The following SNRNP200 variants were observed in gnomAD, a reference collection of about 807,000 sequenced individuals.
The protein encoded by SNRNP200 is small nuclear ribonucleoprotein U5 subunit 200.
Under a neutral mutation model 255.2 loss-of-function variants are expected in SNRNP200, and 66 were observed. The ratio of observed to expected loss-of-function variants is 0.26; its 90% confidence interval spans 0.21 to 0.32. The LOEUF (loss-of-function observed/expected upper bound fraction) is 0.32, where lower values mean the gene tolerates loss of function less well. SNRNP200 is among the 10% of genes least tolerant of loss of function. The pLI, the probability that SNRNP200 is intolerant of heterozygous loss-of-function variation, is 1.00. For synonymous variants in SNRNP200, 939 were observed against 1,027.8 expected, an observed-to-expected ratio of 0.91 and a Z score of 1.65; for missense variants, 1,585 against 2,749.8, an observed-to-expected ratio of 0.58 and a Z score of 9.47.
At chr2:96,285,971 C>T (rs987335876) in intron 29 of SNRNP200, among the ~76,000 whole-genome samples, 2 of 152,142 alleles carry the variant, frequency 1.3e-5, no homozygotes, top group African/African-American at 4.8e-5. Context: ...GTGAATGTCC[C>T]CGTTATTTAT....
rs1684769577 is a variant in SNRNP200, at chr2:96,282,027, A to T, written c.4916-105T>A. ...GGCTTACCCTGTGCTATGTTTCAGAACTCACAGCAAGGCTGGCTAGGAACA... is the reference window on the plus strand; with the variant it reads ...GGCTTACCCTGTGCTATGTTTCAGATCTCACAGCAAGGCTGGCTAGGAACA... On this transcript the variant is annotated intron_variant, in intron 34 of 44. Transcript: ENST00000323853. The T allele has an allele frequency of 7.3e-6, 6 of 818,840 alleles. No homozygotes were observed. The South Asian group carries it at 8.5e-5, about 12-fold the overall frequency. The allele number at this position is 818,840 out of a possible 1,614,324, so 50.7% of individuals were successfully genotyped here.
At chr2:96,293,844 G>C (rs1247276909) in intron 14 of SNRNP200, among the ~76,000 whole-genome samples, 1 of 152,172 alleles carries the variant, frequency 6.6e-6, no homozygotes, top group East Asian at 1.9e-4. Flanking sequence ...CTTCACCTCT[G>C]GCAGTTATAG....
intron 30 of SNRNP200, 62 bp downstream of exon 30, chr2:96,285,118 C>T (rs2104342156): frequency 6.3e-7 from 1 of 1,582,358 alleles, no homozygotes; most frequent in South Asian, 1.1e-5. Flanking sequence ...AGAAAGCCTT[C>T]ATACGGAATC....
Position 96,286,208 on chromosome 2 carries a change from G to C in SNRNP200, c.4003+103C>G. 8.5e-7 allele frequency: 1 copy of C among 1,180,628 alleles called. No homozygotes were observed. Among genetic ancestry groups the C allele is most frequent in the Non-Finnish European group, 1.3e-6 (1 of 787,346 alleles). 73.1% of individuals were successfully genotyped at this position (1,180,628 alleles called of 1,614,324 possible). On this transcript the variant is annotated intron_variant, in intron 29 of 44. Coordinates refer to ENST00000323853, the MANE Select transcript of SNRNP200 (RefSeq NM_014014.5). The surrounding 1 kb of genome is among the most constrained non-coding windows in gnomAD (Gnocchi z 4.8). ...CAGCGGTCACACTGAGGAGCTCCCA[G>C]ACCTCCCAAGTGCCTGAGCACCCCC...
Position 96,284,009 on chromosome 2 carries a change from A to G in SNRNP200, c.4393-5T>C. The G allele has an allele frequency of 6.3e-7, 1 of 1,583,112 alleles. No homozygotes were observed. The highest frequency in any genetic ancestry group is 8.6e-7 in the Non-Finnish European group (1 of 1,165,324). ...GCAGATCACTTCTAAGACAGGCTGG[A>G]AAGAGGGAGGGAGGGAGGGTCACTG... On this transcript the variant is annotated splice_region_variant and splice_polypyrimidine_tract_variant and intron_variant, in intron 31 of 44. Transcript: ENST00000323853.
At chr2:96,276,649 T>C (rs1684668660) in intron 43 of SNRNP200, 1 of 499,616 alleles carries the variant, frequency 2.0e-6, no homozygotes, top group Non-Finnish European at 3.8e-6. Flanking sequence ...CTCGAACTCC[T>C]GACCTCGTGA....
rs751867610 is a variant in SNRNP200, at chr2:96,281,843, A to G, written c.4995T>C (p.Asp1665=). Residue 1665 remains aspartate (D), a synonymous_variant, in exon 35 of 45, where the codon GAT becomes GAC. Transcript: ENST00000323853. ...GGATCTTGCCATTGTAGTACTGGGTATCCATGATGATTACCAGGTGGGCAG... is the reference window on the plus strand; with the variant it reads ...GGATCTTGCCATTGTAGTACTGGGTGTCCATGATGATTACCAGGTGGGCAG... ...NVAAHLVIIM[D]TQYYNGKIHA... 1 of 1,614,078 alleles carries G rather than the reference A, an allele frequency of 6.2e-7. No homozygotes were observed. The highest frequency in any genetic ancestry group is 1.7e-5 in the Admixed American group (1 of 60,028).
At position 96,291,349 on chromosome 2, in the gene SNRNP200, A is replaced by G; in HGVS notation, c.2421+43T>C. The G allele has an allele frequency of 9.3e-7, 1 of 1,080,750 alleles. No homozygotes were observed. The highest frequency in any genetic ancestry group is 2.4e-5 in the East Asian group (1 of 42,450). 66.9% of individuals were successfully genotyped at this position (1,080,750 alleles called of 1,614,324 possible). A position where few individuals can be genotyped will look rare whatever the true frequency, so the allele number is the denominator to read the frequency against. On this transcript the variant is annotated intron_variant, in intron 18 of 44. Transcript: ENST00000323853. The surrounding 1 kb of genome is among the most constrained non-coding windows in gnomAD (Gnocchi z 4.2). ...AAACTTGACATTGCCCATCTTCTGA[A>G]GTATGTCCCACCTGCTCCTCCAAAC...
chr2:96,298,188 T>C (rs1008008670), intron 9 of SNRNP200, 96 bp downstream of exon 9: 1 of 1,566,976 alleles, frequency 6.4e-7, no homozygotes, highest in South Asian at 1.1e-5. Context: ...AATTACTTTT[T>C]CAACTTCCAC....
Position 96,290,204 on chromosome 2 carries a change from G to T in SNRNP200, c.2742+122C>A. 8.7e-7 allele frequency: 1 copy of T among 1,144,450 alleles called. No homozygotes were observed. The highest frequency in any genetic ancestry group is 1.3e-6 in the Non-Finnish European group (1 of 754,062). 70.9% of individuals were successfully genotyped at this position (1,144,450 alleles called of 1,614,324 possible). On this transcript the variant is annotated intron_variant, in intron 20 of 44. Coordinates refer to ENST00000323853, the MANE Select transcript of SNRNP200 (RefSeq NM_014014.5). The surrounding 1 kb of genome is among the most constrained non-coding windows in gnomAD (Gnocchi z 4.5). ...GGGAACTATCTGCCAGACCCAAGAT[G>T]TGGGTGCAGGGATGGAAGGCCTCGG...
chr2:96,277,912 C>T lies in SNRNP200; in HGVS notation c.5649G>A (p.Lys1883=). The T allele has an allele frequency of 1.9e-6, 3 of 1,614,184 alleles. No individual in the cohort carries two copies. Among genetic ancestry groups the T allele is most frequent in the Non-Finnish European group, 2.5e-6 (3 of 1,180,046 alleles). The change falls in exon 40 of 45, where the codon AAG becomes AAA. Residue 1883 remains lysine (K), a synonymous_variant. Coordinates refer to ENST00000323853, the MANE Select transcript of SNRNP200 (RefSeq NM_014014.5). The surrounding 1 kb of genome is among the most constrained non-coding windows in gnomAD (Gnocchi z 4.4). ...TGGTCTTGACGTGCGGATCATTGAA[C>T]TTAGGGTTATTCAGCTTGTGGGGGA... ...QKVPHKLNNP[K]FNDPHVKTNL...
intron 21 of SNRNP200, 48 bp downstream of exon 21, chr2:96,289,751 C>G: frequency 6.3e-7 from 1 of 1,595,180 alleles, no homozygotes; most frequent in Non-Finnish European, 8.6e-7. Context: ...TTTCCTGGGC[C>G]AACAACTTTT....
In SNRNP200 at chr2:96,275,313, C is replaced by G. The variant is rs1684636201; in HGVS notation, c.6211G>C (p.Ala2071Pro). The G allele has an allele frequency of 1.2e-6, 2 of 1,613,736 alleles. No individual in the cohort carries two copies. The highest frequency in any genetic ancestry group is 4.5e-5 in the East Asian group (2 of 44,870). Reference sequence around the variant, plus strand: ...ATGGAGATGAGGCTATTGGACTTGGCATCTCCAATCACCACCCACCAGCCC... The same window carrying G: ...ATGGAGATGAGGCTATTGGACTTGGGATCTCCAATCACCACCCACCAGCCC... ...EEGWWVVIGD[A>P]KSNSLISIKR... Residue 2071 changes from alanine to proline, a missense_variant, in exon 44 of 45, where the codon GCC becomes CCC. Coordinates refer to ENST00000323853, the MANE Select transcript of SNRNP200 (RefSeq NM_014014.5).
chr2:96,288,642 G>A (rs1263429570), intron 24 of SNRNP200, 21 bp downstream of exon 24: 1 of 1,604,462 alleles, frequency 6.2e-7, no homozygotes, highest in South Asian at 1.1e-5. Context: ...TCTCACAGCT[G>A]CCATACAACT....
chr2:96,301,557 CTG>C lies in SNRNP200; in HGVS notation c.539_540del (p.Thr180ArgfsTer6). The C allele has an allele frequency of 6.2e-7, 1 of 1,614,214 alleles. No individual in the cohort carries two copies. The highest frequency in any genetic ancestry group is 8.5e-7 in the Non-Finnish European group (1 of 1,180,042). On this transcript the variant is annotated frameshift_variant, in exon 4 of 45. Transcript: ENST00000323853. LOFTEE classifies it high-confidence loss of function. ...TGGATTTCCTTATCTCCACCATAGT[CTG>C]TGATCTTTTTGCCCAGGTTCACTAG... ...HVLVNLGKKI[T>X]DYGGDKEIQN...
rs1001822797 is a variant in SNRNP200, at chr2:96,305,520, G to T, written c.-83C>A. The T allele has an allele frequency of 6.9e-6, 11 of 1,583,270 alleles. No individual in the cohort carries two copies. The highest frequency in any genetic ancestry group is 8.6e-7 in the Non-Finnish European group (1 of 1,156,394). ...GGCCGCAGATCTCTGCTCCCGCCGC[G>T]CCGGAACGACGCAGGAAAGACGCAC... On this transcript the variant is annotated 5_prime_UTR_variant, in exon 1 of 45. Transcript: ENST00000323853.
At chr2:96,276,466 G>A (rs1684662798) in intron 43 of SNRNP200, 1 of 201,018 alleles carries the variant, frequency 5.0e-6, no homozygotes, top group Non-Finnish European at 1.0e-5. Context: ...CACTCGCCTG[G>A]GCTGGTGTGC....
intron 2 of SNRNP200, 115 bp from the exon 3 acceptor site, chr2:96,303,445 C>G: frequency 1.6e-6 from 2 of 1,234,858 alleles, no homozygotes; most frequent in Non-Finnish European, 2.4e-6. Context: ...TATCTGAAAA[C>G]AGGTATCTGA....
intron 30 of SNRNP200, 164 bp downstream of exon 30, chr2:96,285,016 C>A (rs775706295): frequency 1.2e-6 from 1 of 816,628 alleles, no homozygotes. Flanking sequence ...TCCCAAAGTG[C>A]TGGGATTACA....
Sources: allele counts gnomAD v4.1 joint callset (sites outside exome capture counted in the v4.1 genomes callset), GRCh38; gene constraint gnomAD v4.1.1; non-coding constraint Gnocchi (gnomAD v3.1); transcripts MANE v1.5; gene names NCBI Gene and HGNC (gene_info 2026-07-23, HGNC 2026-07-21).